The following PACRG variants were observed in gnomAD, a reference collection of about 807,000 sequenced individuals.
PACRG encodes the protein parkin coregulated gene protein.
Under a neutral mutation model 29.7 loss-of-function variants are expected in PACRG, and 29 were observed. That is an observed-to-expected ratio of 0.98 (90% confidence interval 0.73 to 1.33). The LOEUF is 1.33. Ranked by LOEUF, PACRG falls within the 40% of genes most tolerant of loss-of-function variation. The pLI is 0.00. For synonymous variants in PACRG, 116 were observed against 118.7 expected (o/e 0.98, Z 0.15); for missense variants, 279 against 316.2 (o/e 0.88, Z 0.89).
chr6:162,998,266 C>T (rs931912460), intron 2 of PACRG, among the ~76,000 whole-genome samples: 3 of 152,138 alleles, frequency 2.0e-5, no homozygotes, highest in Admixed American at 6.5e-5. Flanking sequence ...AATCTTAACT[C>T]CAACTTCGTA....
At chr6:162,854,238 G>T (rs778883777) in intron 2 of PACRG, among the ~76,000 whole-genome samples, 2 of 149,684 alleles carry the variant, frequency 1.3e-5, no homozygotes, top group Non-Finnish European at 3.0e-5. Flanking sequence ...AGTATCCTGC[G>T]CATAGTAAGC....
At position 162,899,848 on chromosome 6, in the gene PACRG, C is replaced by T. The variant is rs78255542; in HGVS notation, c.291+85567C>T. Among the ~76,000 whole-genome samples, 1,102 of 152,260 alleles carry T rather than the reference C, an allele frequency of 7.2e-3. 20 individuals carry two copies. The highest frequency in any genetic ancestry group is 0.02 in the African/African-American group (839 of 41,552). ...AGGTATTTACTTTCATTAGCCCCAT[C>T]TTACAGGAGAGGAAACTGAAGCTGG... On this transcript the variant is annotated intron_variant, in intron 2 of 4. Coordinates refer to ENST00000366888, the MANE Select transcript of PACRG (RefSeq NM_001080379.2).
At chr6:163,012,019 A>G (rs1373704990) in intron 2 of PACRG, among the ~76,000 whole-genome samples, 1 of 152,150 alleles carries the variant, frequency 6.6e-6, no homozygotes, top group Non-Finnish European at 1.5e-5. Flanking sequence ...CAGGTGTCAC[A>G]CTAACTGAGC....
chr6:163,291,101 C>CA (rs1477525718), intron 4 of PACRG, among the ~76,000 whole-genome samples: 3 of 152,220 alleles, frequency 2.0e-5, no homozygotes, highest in Non-Finnish European at 4.4e-5. Flanking sequence ...TCTGGGTTCT[C>CA]AGGTTTCTGC....
intron 2 of PACRG, among the ~76,000 whole-genome samples, chr6:162,905,715 T>A (rs1457495143): frequency 1.4e-4 from 21 of 152,236 alleles, no homozygotes; most frequent in Non-Finnish European, 2.9e-5. Context: ...GCACCTAATT[T>A]AGCTTCCAAT....
chr6:163,181,744 C>T lies in PACRG; in HGVS notation c.613+92336C>T, dbSNP rs117652491. 3.8e-3 allele frequency among the ~76,000 whole-genome samples: 570 copies of T among 151,976 alleles called. 1 individual carries two copies. Among genetic ancestry groups the T allele is most frequent in the Admixed American group, 6.2e-3 (94 of 15,274 alleles). On this transcript the variant is annotated intron_variant, in intron 4 of 4. Coordinates refer to ENST00000366888, the MANE Select transcript of PACRG (RefSeq NM_001080379.2). ...GTTTGGGGTTTTTTCTCATCATTAA[C>T]CACTTAGTTACTATAAATGTGTTTT...
intron 4 of PACRG, among the ~76,000 whole-genome samples, chr6:163,201,278 T>G (rs1413348930): frequency 1.3e-5 from 2 of 152,236 alleles, no homozygotes; most frequent in Admixed American, 6.5e-5. Context: ...ATATCAATTC[T>G]TAATAGTAGT....
In PACRG at chr6:162,932,036, A is replaced by C. The variant is rs142387838; in HGVS notation, c.291+117755A>C. ...GTTCACCTACAGTTCTTGGGTAAGC[A>C]AATGATGATGTACGCATACTACAGA... On this transcript the variant is annotated intron_variant, in intron 2 of 4. Transcript: ENST00000366888. Among the ~76,000 whole-genome samples the C allele has an allele frequency of 7.0e-3, 1,067 of 152,174 alleles. 12 individuals are homozygous for C. The highest frequency in any genetic ancestry group is 0.014 in the Middle Eastern group (4 of 294).
rs77891449 is a variant in PACRG, at chr6:163,212,563, C to T, written c.614-102264C>T. 6.0e-3 allele frequency among the ~76,000 whole-genome samples: 917 copies of T among 152,168 alleles called. 10 individuals carry two copies. The highest frequency in any genetic ancestry group is 0.021 in the African/African-American group (871 of 41,520). Reference sequence around the variant, plus strand: ...TGGCTCAAAAGGGTTGCCCAATTGCCAAGTCAGGGACCCTTTGACCTTCAA... The same window carrying T: ...TGGCTCAAAAGGGTTGCCCAATTGCTAAGTCAGGGACCCTTTGACCTTCAA... On this transcript the variant is annotated intron_variant, in intron 4 of 4. Transcript: ENST00000366888.
chr6:162,729,021 A>G (rs1779522510), intron 1 of PACRG, among the ~76,000 whole-genome samples: 1 of 152,226 alleles, frequency 6.6e-6, no homozygotes, highest in Admixed American at 6.5e-5. Context: ...TATCTCTGCT[A>G]CTAATACAAT....
intron 2 of PACRG, among the ~76,000 whole-genome samples, chr6:162,869,325 G>A (rs558457321): frequency 1.3e-5 from 2 of 152,236 alleles, no homozygotes; most frequent in Admixed American, 1.3e-4. Context: ...TCTGCAAAAG[G>A]CTGAAATTTA....
intron 2 of PACRG, among the ~76,000 whole-genome samples, chr6:162,906,104 A>G (rs1795916990): frequency 6.6e-6 from 1 of 152,282 alleles, no homozygotes; most frequent in African/African-American, 2.4e-5. Flanking sequence ...ATTTTTTACT[A>G]TTGTCTTCTT....
intron 4 of PACRG, among the ~76,000 whole-genome samples, chr6:163,237,741 C>T (rs114516658): frequency 0.014 from 2,082 of 152,234 alleles, 45 homozygotes; most frequent in African/African-American, 0.047. Context: ...AACCTATTTT[C>T]TCTTGAAAAC....
At chr6:162,842,334 C>G (rs1311119203) in intron 2 of PACRG, among the ~76,000 whole-genome samples, 10 of 140,800 alleles carry the variant, frequency 7.1e-5, no homozygotes, top group Non-Finnish European at 1.4e-4. Context: ...TGAATTGATC[C>G]CTTTACCATT....
chr6:162,855,082 A>G (rs1163061146), intron 2 of PACRG, among the ~76,000 whole-genome samples: 1 of 152,242 alleles, frequency 6.6e-6, no homozygotes, highest in Non-Finnish European at 1.5e-5. Flanking sequence ...GTGAACCATG[A>G]TTCCTTCGTT....
chr6:162,866,917 ATT>A (rs1792345818), intron 2 of PACRG, among the ~76,000 whole-genome samples: 1 of 152,064 alleles, frequency 6.6e-6, no homozygotes, highest in Non-Finnish European at 1.5e-5. Context: ...AAAGCCAAAC[ATT>A]TTCTCTTGAC....
At chr6:163,250,818 A>G (rs374801812) in intron 4 of PACRG, among the ~76,000 whole-genome samples, 1 of 151,800 alleles carries the variant, frequency 6.6e-6, no homozygotes, top group African/African-American at 2.4e-5. Context: ...AGCACAATTC[A>G]CAATTGCAAA....
intron 4 of PACRG, among the ~76,000 whole-genome samples, chr6:163,145,584 G>A (rs1396364175): frequency 6.6e-6 from 1 of 152,190 alleles, no homozygotes; most frequent in Admixed American, 6.5e-5. Context: ...CCCAGTGAGG[G>A]TGGGGATACA....
At chr6:162,880,256 A>G (rs570865399) in intron 2 of PACRG, among the ~76,000 whole-genome samples, 4 of 152,182 alleles carry the variant, frequency 2.6e-5, no homozygotes, top group Non-Finnish European at 4.4e-5. Flanking sequence ...TTTATTTAAC[A>G]TCTGTCACAT....
Sources: gnomAD v4.1 joint callset for allele counts (sites outside exome capture counted in the v4.1 genomes callset) on GRCh38, gnomAD v4.1.1 for gene constraint, MANE v1.5 for transcripts, NCBI Gene and HGNC (gene_info 2026-07-23, HGNC 2026-07-21) for gene names.